Variants in RPL26L1 observed in about 807,000 individuals in gnomAD.
RPL26L1 encodes the protein ribosomal protein L26 like 1.
RPL26L1 carries 8 observed loss-of-function variants against 15.2 expected under a neutral mutation model. The observed-to-expected ratio is 0.53, with a 90% CI of 0.31 to 0.95. The LOEUF is 0.95. RPL26L1 is among the 40% of genes least tolerant of loss of function. The pLI is 0.05. For synonymous variants in RPL26L1, 51 were observed against 65.9 expected, an observed-to-expected ratio of 0.77 and a Z score of 1.09; for missense variants, 146 against 190.9, an observed-to-expected ratio of 0.76 and a Z score of 1.39.
chr5:172,965,161 G>A lies in RPL26L1; in HGVS notation c.169-3298G>A, dbSNP rs553482713. Among the ~76,000 whole-genome samples the A allele has an allele frequency of 4.5e-3, 680 of 152,236 alleles. 3 individuals are homozygous for A. Among genetic ancestry groups the A allele is most frequent in the Non-Finnish European group, 7.6e-3 (516 of 67,998 alleles). On this transcript the variant is annotated intron_variant, in intron 2 of 3. Transcript: ENST00000265100. ...AGATCACGCCACTGCACTCCAGCAT[G>A]GGTAACACAGCAAGTCTCTGTCTCA...
chr5:172,961,719 G>A (rs574585423), intron 2 of RPL26L1, among the ~76,000 whole-genome samples: 4 of 152,328 alleles, frequency 2.6e-5, no homozygotes, highest in East Asian at 3.9e-4. Flanking sequence ...TGTTCTCTAC[G>A]TAGGTAAAGA....
At chr5:172,958,252 G>A (rs781283751), upstream of RPL26L1, 189 of 359,840 alleles carry the variant, frequency 5.3e-4, 1 homozygote, top group African/African-American at 2.6e-3. Context: ...GAACAAGAGC[G>A]AAACTCTATC....
chr5:172,963,356 A>G (rs1458401439), intron 2 of RPL26L1, among the ~76,000 whole-genome samples: 2 of 147,146 alleles, frequency 1.4e-5, no homozygotes, highest in Non-Finnish European at 1.5e-5. Flanking sequence ...CCTGGGCAAC[A>G]GAGTAAAACT....
At chr5:172,962,741 G>A (rs958756540) in intron 2 of RPL26L1, among the ~76,000 whole-genome samples, 20 of 149,668 alleles carry the variant, frequency 1.3e-4, no homozygotes, top group African/African-American at 3.5e-4. Flanking sequence ...GCGTGAACCC[G>A]GGAGGGGGAG....
At chr5:172,967,710 AT>A (rs1290513012) in intron 2 of RPL26L1, among the ~76,000 whole-genome samples, 1 of 151,706 alleles carries the variant, frequency 6.6e-6, no homozygotes, top group African/African-American at 2.4e-5. Context: ...TTATATATAT[AT>A]TTTATCCCAC....
intron 2 of RPL26L1, among the ~76,000 whole-genome samples, chr5:172,964,281 C>CCCTTTT (rs1402885653): frequency 1.0e-5 from 1 of 99,234 alleles, no homozygotes; most frequent in Non-Finnish European, 2.0e-5. Flanking sequence ...GGCCTGTTGC[C>CCCTTTT]TTTTTTTTTT....
rs1309485313 is a variant in RPL26L1, at chr5:172,959,853, C to T, written c.-9-12C>T. On this transcript the variant is annotated splice_polypyrimidine_tract_variant and intron_variant, in intron 1 of 3. Coordinates refer to ENST00000265100, the MANE Select transcript of RPL26L1 (RefSeq NM_016093.4). ...AGCGCCCCTTCATTCCGTCTCTCTC[C>T]GCCCTTTGTAGAGGGTCACCATGAA... The T allele has an allele frequency of 1.9e-6, 3 of 1,613,802 alleles. No homozygotes were observed. The highest frequency in any genetic ancestry group is 2.7e-5 in the African/African-American group (2 of 75,012).
upstream of RPL26L1, chr5:172,955,127 TAG>T (rs1409709259): frequency 9.1e-6 from 3 of 329,864 alleles, no homozygotes; most frequent in Non-Finnish European, 1.2e-5. Flanking sequence ...TAGCTGTGGT[TAG>T]TTTTTTTTTT....
At chr5:172,969,285 G>T (rs1327570213) in intron 3 of RPL26L1, 128 bp from the exon 4 acceptor site, 1 of 944,650 alleles carries the variant, frequency 1.1e-6, no homozygotes, top group African/African-American at 1.7e-5. Context: ...TACAGGGTCT[G>T]TTTTCCTTCC....
upstream of RPL26L1, chr5:172,957,270 A>T: frequency 2.2e-6 from 1 of 456,320 alleles, no homozygotes; most frequent in South Asian, 1.5e-5. Context: ...AGCTCTTGTC[A>T]TCCAGGATAT....
At chr5:172,956,183 G>A (rs1274980781), upstream of RPL26L1, among the ~76,000 whole-genome samples, 4 of 152,134 alleles carry the variant, frequency 2.6e-5, no homozygotes, top group African/African-American at 4.8e-5. Flanking sequence ...GGGGAAAAAC[G>A]AAAGTCACCC....
At chr5:172,954,905 C>T (rs1463537157), upstream of RPL26L1, 3 of 455,996 alleles carry the variant, frequency 6.6e-6, no homozygotes, top group Non-Finnish European at 1.3e-5. Flanking sequence ...CAGAGCAAAA[C>T]CCTCCAGGGG....
upstream of RPL26L1, chr5:172,954,889 G>C: frequency 2.2e-6 from 1 of 455,308 alleles, no homozygotes; most frequent in South Asian, 1.5e-5. Context: ...TTCTAAATCA[G>C]GATTACAGAG....
upstream of RPL26L1, chr5:172,956,952 A>G (rs1212437558): frequency 1.1e-5 from 3 of 261,200 alleles, no homozygotes; most frequent in Non-Finnish European, 2.3e-5. Flanking sequence ...AAAAAAAAAA[A>G]TCCTGACACC....
chr5:172,964,281 C>CCCTTTTT (rs1402885653), intron 2 of RPL26L1, among the ~76,000 whole-genome samples: 1 of 99,234 alleles, frequency 1.0e-5, no homozygotes, highest in Non-Finnish European at 2.0e-5. Flanking sequence ...GGCCTGTTGC[C>CCCTTTTT]TTTTTTTTTT....
At chr5:172,960,463 T>G (rs531253298) in intron 2 of RPL26L1, among the ~76,000 whole-genome samples, 3 of 152,148 alleles carry the variant, frequency 2.0e-5, no homozygotes, top group African/African-American at 7.2e-5. Flanking sequence ...TGCCAAGTGT[T>G]GTTGCCCAGG....
intron 2 of RPL26L1, among the ~76,000 whole-genome samples, chr5:172,963,892 A>G (rs73803683): frequency 0.023 from 3,534 of 152,232 alleles, 128 homozygotes; most frequent in African/African-American, 0.08. Context: ...GTATTTGTCT[A>G]TGTACTCATT....
upstream of RPL26L1, chr5:172,955,314 A>G: frequency 3.5e-6 from 1 of 285,362 alleles, no homozygotes; most frequent in Non-Finnish European, 6.9e-6. Flanking sequence ...TTTTTAGGAG[A>G]AACAGGGTTT....
upstream of RPL26L1, chr5:172,957,223 CA>C (rs1171301654): frequency 2.2e-6 from 1 of 456,182 alleles, no homozygotes; most frequent in Non-Finnish European, 4.4e-6. Context: ...TGAGACAAGA[CA>C]GCCAGTCTCA....
Sources: gnomAD v4.1 joint callset for allele counts (sites outside exome capture counted in the v4.1 genomes callset) on GRCh38, gnomAD v4.1.1 for gene constraint, MANE v1.5 for transcripts, NCBI Gene and HGNC (gene_info 2026-07-23, HGNC 2026-07-21) for gene names.